CCNY: variants seen among roughly 807,000 people sequenced by gnomAD.
CCNY encodes the protein cyclin-Y.
In CCNY, 19 loss-of-function variants were observed where a neutral mutation model predicts 42.8. The ratio of observed to expected loss-of-function variants is 0.44; its 90% CI spans 0.31 to 0.65. The LOEUF is 0.65. Among genes scored for constraint, CCNY ranks in the 30% least tolerant of loss-of-function variants. The probability of loss-of-function intolerance (pLI) is 0.07; values close to 1 mark genes in which losing one functional copy is unlikely to be tolerated. For synonymous variants in CCNY, 165 were observed against 162.7 expected, an observed-to-expected ratio of 1.01 and a Z score of -0.11; for missense variants, 370 against 437.3, an observed-to-expected ratio of 0.85 and a Z score of 1.37.
intron 3 of CCNY, among the ~76,000 whole-genome samples, chr10:35,326,135 T>C (rs946242277): frequency 1.3e-5 from 2 of 152,090 alleles, no homozygotes; most frequent in Admixed American, 6.5e-5. Flanking sequence ...TGCGCCCATT[T>C]TACAGTTTAA....
chr10:35,570,134 C>T lies in CCNY; in HGVS notation c.*964C>T, dbSNP rs1198613360. ...TAATCCATTCCTCTCCTTCCAAGTC[C>T]ATTGTTGCAAGCAATATTCTTCTCA... On this transcript the variant is annotated 3_prime_UTR_variant, in exon 10 of 10. Transcript: ENST00000374704. 6.6e-6 allele frequency: 1 copy of T among 152,640 alleles called. No individual in the cohort carries two copies. Among genetic ancestry groups the T allele is most frequent in the East Asian group, 1.9e-4 (1 of 5,332 alleles). The allele number at this position is 152,640 out of a possible 1,614,324, so 9.5% of individuals were successfully genotyped here.
chr10:35,404,738 GTT>G (rs1036947195), intron 1 of CCNY, among the ~76,000 whole-genome samples: 51 of 152,178 alleles, frequency 3.4e-4, no homozygotes, highest in Non-Finnish European at 6.8e-4. Flanking sequence ...AGGGGTTGGG[GTT>G]TGGGAGATTA....
intron 1 of CCNY, among the ~76,000 whole-genome samples, chr10:35,349,725 T>C (rs908140227): frequency 5.3e-5 from 8 of 152,158 alleles, no homozygotes; most frequent in African/African-American, 1.9e-4. Flanking sequence ...GCAGGATGTT[T>C]AGCGGCCTCC....
At chr10:35,488,096 C>T (rs754014419) in intron 2 of CCNY, among the ~76,000 whole-genome samples, 14 of 152,086 alleles carry the variant, frequency 9.2e-5, no homozygotes, top group Non-Finnish European at 2.1e-4. Context: ...GAGGAAAAAA[C>T]CCTAAGTTTG....
intron 4 of CCNY, among the ~76,000 whole-genome samples, chr10:35,521,814 A>G (rs549747431): frequency 6.6e-6 from 1 of 152,078 alleles, no homozygotes; most frequent in Non-Finnish European, 1.5e-5. Flanking sequence ...CTCCACCTGG[A>G]TGGAAGGACA....
chr10:35,353,221 G>A (rs761897999), intron 1 of CCNY, among the ~76,000 whole-genome samples: 1 of 152,162 alleles, frequency 6.6e-6, no homozygotes, highest in South Asian at 2.1e-4. Context: ...GCTACCACAC[G>A]TGGTGGGTAT....
At chr10:35,419,682 A>G (rs1436298956) in intron 1 of CCNY, among the ~76,000 whole-genome samples, 1 of 152,158 alleles carries the variant, frequency 6.6e-6, no homozygotes, top group African/African-American at 2.4e-5. Flanking sequence ...CTCATTTGAT[A>G]TACAACTCAA....
intron 1 of CCNY, chr10:35,394,747 T>C (rs1275326620): frequency 1.8e-6 from 1 of 564,418 alleles, no homozygotes; most frequent in African/African-American, 2.0e-5. Flanking sequence ...TTTTAGGGCA[T>C]GTTTTTCATT....
intron 3 of CCNY, among the ~76,000 whole-genome samples, chr10:35,285,919 TCTC>T (rs1835350109): frequency 1.3e-5 from 2 of 152,090 alleles, no homozygotes; most frequent in Non-Finnish European, 2.9e-5. Flanking sequence ...TTCAAGCAAT[TCTC>T]CTGCCTCAGC....
intron 1 of CCNY, among the ~76,000 whole-genome samples, chr10:35,422,967 A>G (rs150278759): frequency 6.6e-6 from 1 of 152,276 alleles, no homozygotes; most frequent in East Asian, 1.9e-4. Flanking sequence ...ATTTTGTTAG[A>G]TGGTACTGAA....
chr10:35,474,555 A>C (rs867017494), intron 1 of CCNY, among the ~76,000 whole-genome samples: 6 of 152,152 alleles, frequency 3.9e-5, no homozygotes, highest in African/African-American at 1.4e-4. Flanking sequence ...CTCACACTGC[A>C]GGGTACTCCA....
intron 3 of CCNY, among the ~76,000 whole-genome samples, chr10:35,510,176 T>G (rs910936538): frequency 6.6e-6 from 1 of 152,174 alleles, no homozygotes; most frequent in Non-Finnish European, 1.5e-5. Flanking sequence ...TTCACAAACT[T>G]TTACTCCTTC....
intron 7 of CCNY, among the ~76,000 whole-genome samples, chr10:35,550,925 C>T (rs920117142): frequency 1.3e-5 from 2 of 152,140 alleles, no homozygotes; most frequent in Non-Finnish European, 2.9e-5. Context: ...GTCACAGACT[C>T]TCAAACTGGC....
In CCNY at chr10:35,377,439, A is replaced by G. The variant is rs1837078064; in HGVS notation, c.154+40232A>G. On this transcript the variant is annotated intron_variant, in intron 1 of 9. Transcript: ENST00000374704. Reference sequence around the variant, plus strand: ...AATATTCAGGGCATTAACATGTTGTACAGATTTGTAGCCTATGAACAACCG... The same window carrying G: ...AATATTCAGGGCATTAACATGTTGTGCAGATTTGTAGCCTATGAACAACCG... Among the ~76,000 whole-genome samples, 3 of 152,242 alleles carry G rather than the reference A, an allele frequency of 2.0e-5. No homozygotes were observed. In the South Asian group the frequency reaches 6.2e-4, roughly 32 times the overall value.
chr10:35,561,179 C>G (rs2135460015), intron 8 of CCNY, among the ~76,000 whole-genome samples: 1 of 152,252 alleles, frequency 6.6e-6, no homozygotes, highest in South Asian at 2.1e-4. Context: ...TCTTGGCACG[C>G]TGTGGAAGTC....
chr10:35,296,593 A>T (rs561662598), intron 3 of CCNY, among the ~76,000 whole-genome samples: 6 of 152,322 alleles, frequency 3.9e-5, no homozygotes, highest in African/African-American at 1.2e-4. Context: ...AAAAAAGAAA[A>T]AAGAAAAAAG....
At chr10:35,563,721 T>C (rs991909701) in intron 8 of CCNY, among the ~76,000 whole-genome samples, 2 of 152,188 alleles carry the variant, frequency 1.3e-5, no homozygotes, top group East Asian at 3.8e-4. Context: ...TTTATTTATT[T>C]TTGGGACAGA....
chr10:35,285,188 C>G (rs1162934319), intron 3 of CCNY, among the ~76,000 whole-genome samples: 1 of 152,022 alleles, frequency 6.6e-6, no homozygotes, highest in Non-Finnish European at 1.5e-5. Flanking sequence ...TACCCAGCAC[C>G]ATACCTGGGT....
chr10:35,402,874 C>A (rs899802418), intron 1 of CCNY, among the ~76,000 whole-genome samples: 1 of 152,080 alleles, frequency 6.6e-6, no homozygotes, highest in African/African-American at 2.4e-5. Context: ...GGTAATATGA[C>A]TAGTAAAGGC....
Sources: allele counts gnomAD v4.1 joint callset (sites outside exome capture counted in the v4.1 genomes callset), GRCh38; gene constraint gnomAD v4.1.1; transcripts MANE v1.5; gene names NCBI Gene and HGNC (gene_info 2026-07-23, HGNC 2026-07-21).